The following WDR59 variants were observed in gnomAD, a reference collection of about 807,000 sequenced individuals.
WDR59 encodes the protein WD repeat domain 59.
A neutral mutation model predicts 131.2 loss-of-function variants in WDR59; 100 were observed. The observed-to-expected ratio is 0.76, with a 90% CI of 0.65 to 0.90. The LOEUF (loss-of-function observed/expected upper bound fraction) is 0.90, where lower values mean the gene tolerates loss of function less well. Among genes scored for constraint, WDR59 ranks in the 40% least tolerant of loss-of-function variants. WDR59 has a pLI of 0.00. For missense variants in WDR59, 1,203 were observed against 1,262.2 expected, an observed-to-expected ratio of 0.95 and a Z score of 0.71; for synonymous variants, 601 against 466.2, an observed-to-expected ratio of 1.29 and a Z score of -3.72.
At chr16:74,908,125 T>G (rs1965908833) in intron 17 of WDR59, among the ~76,000 whole-genome samples, 2 of 152,198 alleles carry the variant, frequency 1.3e-5, no homozygotes, top group South Asian at 4.1e-4. Context: ...CGTTGTAATT[T>G]AAAACTTCCA....
intron 25 of WDR59, among the ~76,000 whole-genome samples, chr16:74,882,954 C>G (rs1220696170): frequency 1.3e-5 from 2 of 150,682 alleles, no homozygotes; most frequent in African/African-American, 4.9e-5. Flanking sequence ...CACTGCCCAC[C>G]CCATCGCTCC....
At chr16:74,918,097 C>T (rs1456866193) in intron 10 of WDR59, 89 bp from the exon 11 acceptor site, 1 of 1,294,710 alleles carries the variant, frequency 7.7e-7, no homozygotes, top group Non-Finnish European at 1.1e-6. Context: ...TTCATCCATC[C>T]ATTCAACAAA....
Position 74,912,416 on chromosome 16 carries a change from G to A in WDR59, c.1225-54C>T, listed in dbSNP as rs572824775. On this transcript the variant is annotated intron_variant, in intron 13 of 25. Coordinates refer to ENST00000262144, the MANE Select transcript of WDR59 (RefSeq NM_030581.4). ...AGAAACAAACCATAAAGCGTCTTTC[G>A]ATGCAAGCACATTTAACTGAACGCT... 675 of 1,570,910 alleles carry A rather than the reference G, an allele frequency of 4.3e-4. 7 individuals carry two copies. Among genetic ancestry groups the A allele is most frequent in the Middle Eastern group, 1.6e-3 (7 of 4,380 alleles).
chr16:74,921,802 C>T (rs868320555), intron 10 of WDR59, 145 bp downstream of exon 10: 68 of 961,798 alleles, frequency 7.1e-5, no homozygotes, highest in East Asian at 8.0e-5. Flanking sequence ...TCACCTATGA[C>T]GAAAGGTGGC....
rs533213843 is a variant in WDR59, at chr16:74,960,474, G to A, written c.105-3864C>T. The stretch of plus-strand genomic sequence containing the variant: ...GAGAAGAGAAAATGAGGTCAGGTAC[G>A]TGGTTCACATCTGTAATCCCAGCAC... On this transcript the variant is annotated intron_variant, in intron 2 of 25. Coordinates refer to ENST00000262144, the MANE Select transcript of WDR59 (RefSeq NM_030581.4). 1.2e-4 allele frequency among the ~76,000 whole-genome samples: 18 copies of A among 152,066 alleles called. 1 individual carries two copies. Among genetic ancestry groups the A allele is most frequent in the South Asian group, 4.2e-4 (2 of 4,810 alleles).
At chr16:74,903,632 A>T (rs1396803286) in intron 18 of WDR59, among the ~76,000 whole-genome samples, 1 of 152,218 alleles carries the variant, frequency 6.6e-6, no homozygotes, top group Non-Finnish European at 1.5e-5. Context: ...GAAGACTTGA[A>T]GCTAAGGTAT....
At chr16:74,959,462 C>A in intron 2 of WDR59, 1 of 435,544 alleles carries the variant, frequency 2.3e-6, no homozygotes, top group Non-Finnish European at 4.5e-6. Context: ...ACTAATGCAA[C>A]AGAAAGGAAA....
At chr16:74,916,421 C>T (rs1464819315) in intron 11 of WDR59, among the ~76,000 whole-genome samples, 162 bp from the exon 12 acceptor site, 1 of 152,096 alleles carries the variant, frequency 6.6e-6, no homozygotes, top group Non-Finnish European at 1.5e-5. Context: ...GCCAACTCTC[C>T]CTGGTTAAAC....
intron 10 of WDR59, among the ~76,000 whole-genome samples, chr16:74,921,067 T>C (rs962554291): frequency 7.9e-5 from 12 of 152,184 alleles, no homozygotes; most frequent in African/African-American, 2.7e-4. Flanking sequence ...ACATGATATA[T>C]TTCACAGTAA....
intron 6 of WDR59, among the ~76,000 whole-genome samples, chr16:74,944,550 T>C (rs1261422058): frequency 6.6e-6 from 1 of 151,424 alleles, no homozygotes; most frequent in Non-Finnish European, 1.5e-5. Flanking sequence ...CACTCTGGAA[T>C]ACTCACAACG....
rs1433291168 is a variant in WDR59, at chr16:74,877,420, T to G, written c.2690-2976A>C. ...CCTTACAGCACCAAAATTATCTCAC[T>G]TGACAGCTGGTTAATTTTTGGTGTT... On this transcript the variant is annotated intron_variant, in intron 25 of 25. Coordinates refer to ENST00000262144, the MANE Select transcript of WDR59 (RefSeq NM_030581.4). Among the ~76,000 whole-genome samples, 3 of 152,240 alleles carry G rather than the reference T, an allele frequency of 2.0e-5. No individual in the cohort carries two copies. The East Asian group carries it at 5.8e-4, about 29-fold the overall frequency.
chr16:74,981,014 G>C (rs1311136987), intron 1 of WDR59, among the ~76,000 whole-genome samples: 5 of 150,194 alleles, frequency 3.3e-5, no homozygotes, highest in Non-Finnish European at 7.4e-5. Context: ...GATCACTTCA[G>C]CTCAGGAGTT....
intron 21 of WDR59, 61 bp downstream of exon 21, chr16:74,889,642 G>T: frequency 7.4e-7 from 1 of 1,350,058 alleles, no homozygotes; most frequent in Non-Finnish European, 1.1e-6. Context: ...GACATTTCAA[G>T]TGTTTACAGA....
At chr16:74,888,924 G>A (rs1964905769) in intron 21 of WDR59, among the ~76,000 whole-genome samples, 1 of 152,156 alleles carries the variant, frequency 6.6e-6, no homozygotes, top group Non-Finnish European at 1.5e-5. Context: ...GGAATCAGAG[G>A]GGCTTTGCCT....
intron 10 of WDR59, 70 bp from the exon 11 acceptor site, chr16:74,918,078 G>A (rs1966480568): frequency 6.9e-7 from 1 of 1,459,576 alleles, no homozygotes; most frequent in Admixed American, 1.7e-5. Context: ...AGGTTGAAAT[G>A]GAGTGAGATT....
intron 18 of WDR59, among the ~76,000 whole-genome samples, chr16:74,900,163 G>A (rs1965482135): frequency 6.6e-6 from 1 of 152,182 alleles, no homozygotes; most frequent in African/African-American, 2.4e-5. Context: ...AACATATATT[G>A]AGAGCACATA....
chr16:74,926,697 T>A (rs1024431107), intron 8 of WDR59, among the ~76,000 whole-genome samples: 2 of 152,202 alleles, frequency 1.3e-5, no homozygotes, highest in Non-Finnish European at 2.9e-5. Context: ...TAAAACTGGT[T>A]TTACATTGTT....
intron 3 of WDR59, among the ~76,000 whole-genome samples, chr16:74,954,504 T>C (rs1342955197): frequency 1.3e-5 from 2 of 152,208 alleles, no homozygotes; most frequent in East Asian, 3.9e-4. Flanking sequence ...AAAAATAAAT[T>C]TTGGAGAGGA....
intron 1 of WDR59, among the ~76,000 whole-genome samples, chr16:74,966,998 T>G (rs539252073): frequency 6.6e-6 from 1 of 152,222 alleles, no homozygotes; most frequent in Non-Finnish European, 1.5e-5. Context: ...TGAAACAGTT[T>G]GTGCCACTGT....
Sources: gnomAD v4.1 joint callset for allele counts (sites outside exome capture counted in the v4.1 genomes callset) on GRCh38, gnomAD v4.1.1 for gene constraint, MANE v1.5 for transcripts, NCBI Gene and HGNC (gene_info 2026-07-23, HGNC 2026-07-21) for gene names.